Variants in CEP192 observed in about 807,000 individuals in gnomAD.
CEP192 encodes the protein centrosomal protein of 192 kDa.
Under a neutral mutation model 271.8 loss-of-function variants are expected in CEP192, and 151 were observed. That is an observed-to-expected ratio of 0.56 (90% CI 0.49 to 0.64). CEP192 has a LOEUF of 0.64. CEP192 is among the 30% of genes least tolerant of loss of function. The pLI is 0.00. For missense variants in CEP192, 2,910 were observed against 3,020.5 expected, an observed-to-expected ratio of 0.96 and a Z score of 0.86; for synonymous variants, 995 against 1,076.5, an observed-to-expected ratio of 0.92 and a Z score of 1.48.
chr18:13,119,478 C>G (rs1391041626), intron 44 of CEP192, among the ~76,000 whole-genome samples: 1 of 152,176 alleles, frequency 6.6e-6, no homozygotes, highest in Non-Finnish European at 1.5e-5. Context: ...TGTGGTGGCT[C>G]ACACCTGTAA....
chr18:13,122,647 C>T (rs896561593), intron 44 of CEP192, among the ~76,000 whole-genome samples: 1 of 152,166 alleles, frequency 6.6e-6, no homozygotes, highest in African/African-American at 2.4e-5. Context: ...TTCCACTAAG[C>T]CCTTTCCATG....
At chr18:13,038,036 G>A (rs1326387916) in intron 12 of CEP192, among the ~76,000 whole-genome samples, 2 of 151,858 alleles carry the variant, frequency 1.3e-5, no homozygotes, top group East Asian at 3.9e-4. Flanking sequence ...ATGGGGTCTC[G>A]CCATGTTGCT....
chr18:13,068,050 T>C, intron 22 of CEP192, 44 bp from the exon 23 acceptor site: 1 of 1,609,686 alleles, frequency 6.2e-7, no homozygotes, highest in Non-Finnish European at 8.5e-7. Flanking sequence ...AACTTAGCAT[T>C]ACACTGTTGG....
chr18:13,027,535 T>A (rs1282171514), intron 9 of CEP192, among the ~76,000 whole-genome samples: 1 of 152,172 alleles, frequency 6.6e-6, no homozygotes, highest in African/African-American at 2.4e-5. Context: ...CCCTGGTATG[T>A]TAGGATGCTC....
chr18:13,103,093 AT>A (rs776191156), intron 38 of CEP192, among the ~76,000 whole-genome samples: 4 of 152,182 alleles, frequency 2.6e-5, no homozygotes, highest in Admixed American at 6.5e-5. Context: ...GAGGCCACAC[AT>A]GCGCATGTCT....
chr18:13,006,889 C>T (rs1204622635), intron 3 of CEP192, among the ~76,000 whole-genome samples: 1 of 152,082 alleles, frequency 6.6e-6, no homozygotes, highest in Non-Finnish European at 1.5e-5. Context: ...GCAGGCAAGC[C>T]CTTCCCTCCC....
At chr18:13,074,958 T>G (rs960615798) in intron 30 of CEP192, among the ~76,000 whole-genome samples, 2 of 152,190 alleles carry the variant, frequency 1.3e-5, no homozygotes, top group Admixed American at 1.3e-4. Flanking sequence ...AGGACTGCAA[T>G]AAAAATGTAT....
chr18:13,109,718 G>A (rs1217790903), intron 40 of CEP192, among the ~76,000 whole-genome samples: 4 of 151,920 alleles, frequency 2.6e-5, no homozygotes, highest in Non-Finnish European at 5.9e-5. Context: ...GCAAAACATA[G>A]TAAAATTAAA....
At chr18:13,034,589 C>T (rs575932486) in intron 11 of CEP192, among the ~76,000 whole-genome samples, 1 of 151,868 alleles carries the variant, frequency 6.6e-6, no homozygotes, top group Non-Finnish European at 1.5e-5. Flanking sequence ...GGGTGGATCA[C>T]CAGGTCAGGA....
intron 40 of CEP192, among the ~76,000 whole-genome samples, chr18:13,105,318 T>C (rs1316347366): frequency 6.6e-6 from 1 of 152,212 alleles, no homozygotes; most frequent in Non-Finnish European, 1.5e-5. Flanking sequence ...TGCCAGTGCT[T>C]ACAGTCATAC....
At chr18:13,075,691 T>C (rs779579261) in intron 30 of CEP192, among the ~76,000 whole-genome samples, 38 of 152,328 alleles carry the variant, frequency 2.5e-4, no homozygotes, top group East Asian at 5.8e-4. Flanking sequence ...GTTACTGTTA[T>C]AGCAACACAA....
Position 13,092,428 on chromosome 18 carries a change from T to C in CEP192, c.6155T>C (p.Met2052Thr), listed in dbSNP as rs765181613. The change falls in exon 34 of 45, where the codon ATG (methionine) becomes ACG (threonine). Residue 2052 changes from methionine to threonine, a missense_variant. Physicochemically the swap from Met to Thr is moderately conservative, Grantham distance 81. Transcript: ENST00000506447. Reference protein sequence around the residue: ...PNDVQLFYGSMCKIILSVIGE... With the variant: ...PNDVQLFYGSTCKIILSVIGE... ...GATGTTCAGCTCTTTTATGGAAGCA[T>C]GTGTAAAATTATACTTTCAGTAATT... is the stretch of plus-strand genomic sequence containing the variant. The C allele has an allele frequency of 7.5e-6, 12 of 1,603,136 alleles. No homozygotes were observed. The highest frequency in any genetic ancestry group is 4.0e-5 in the African/African-American group (3 of 74,678).
At chr18:13,040,773 G>C in intron 13 of CEP192, 57 bp from the exon 14 acceptor site, 2 of 1,409,462 alleles carry the variant, frequency 1.4e-6, no homozygotes, top group Non-Finnish European at 1.9e-6. Context: ...AAACAGTCTA[G>C]AATTTCTCAA....
chr18:13,095,516 T>C lies in CEP192; in HGVS notation c.6268T>C (p.Ser2090Pro). Residue 2090 changes from serine to proline, a missense_variant, in exon 35 of 45, where the codon TCT (serine) becomes CCT (proline). Coordinates refer to ENST00000506447, the MANE Select transcript of CEP192 (RefSeq NM_032142.4). The stretch of plus-strand genomic sequence containing the variant: ...ATAATTTTTTAGCGACTTGGGAGCT[T>C]CTGGGAAACATGGTGGCAACGTCTC... ...SLESTSDLGASGKHGGNVSLD... is the reference protein window; with the variant it reads ...SLESTSDLGAPGKHGGNVSLD... 1 of 1,609,134 alleles carries C rather than the reference T, an allele frequency of 6.2e-7. No homozygotes were observed. Among genetic ancestry groups the C allele is most frequent in the African/African-American group, 1.3e-5 (1 of 74,692 alleles).
At position 13,056,680 on chromosome 18, in the gene CEP192, G is replaced by C. The variant is rs1320342723; in HGVS notation, c.4090G>C (p.Gly1364Arg). ...TNCGIEPWDS[G>R]VTSGLGSVRV... is the part of the protein sequence containing the mutation. ...CTGTGGAATTGAACCATGGGATTCA[G>C]GAGTGACATCAGGATTGGGTAAGAT... The change falls in exon 19 of 45, where the codon GGA becomes CGA. Residue 1364 changes from glycine (G) to arginine (R), a missense_variant. Coordinates refer to ENST00000506447, the MANE Select transcript of CEP192 (RefSeq NM_032142.4). 1 of 1,604,936 alleles carries C rather than the reference G, an allele frequency of 6.2e-7. No homozygotes were observed. The highest frequency in any genetic ancestry group is 1.1e-5 in the South Asian group (1 of 89,426).
At position 13,056,512 on chromosome 18, in the gene CEP192, G is replaced by T. The variant is rs2144147403; in HGVS notation, c.3922G>T (p.Val1308Leu). ...TGCAGGAGAGCCTGTGCAGAACTCTGTGGCTGTGGGAATTTGTCTAGGATC... is the reference window on the plus strand; with the variant it reads ...TGCAGGAGAGCCTGTGCAGAACTCTTTGGCTGTGGGAATTTGTCTAGGATC... ...AVAGEPVQNS[V>L]AVGICLGSNI... is the part of the protein sequence containing the mutation. Residue 1308 changes from valine to leucine, a missense_variant, in exon 19 of 45, where the codon GTG becomes TTG. Val to Leu is a conservative substitution (Grantham distance 32, BLOSUM62 1). Transcript: ENST00000506447. The T allele has an allele frequency of 1.2e-6, 2 of 1,614,240 alleles. No homozygotes were observed. The highest frequency in any genetic ancestry group is 2.7e-5 in the African/African-American group (2 of 75,076).
intron 33 of CEP192, 142 bp from the exon 34 acceptor site, chr18:13,092,235 G>T: frequency 1.9e-6 from 1 of 538,748 alleles, no homozygotes. Flanking sequence ...TTTGTGCCAG[G>T]TGGTATACTG....
chr18:13,096,463 G>C (rs1376328826), intron 36 of CEP192, among the ~76,000 whole-genome samples, 156 bp downstream of exon 36: 7 of 152,226 alleles, frequency 4.6e-5, no homozygotes, highest in Admixed American at 4.6e-4. Flanking sequence ...GGTCAGCTGT[G>C]AGTTCAAGTG....
At chr18:13,064,471 G>A (rs1234334651) in intron 21 of CEP192, among the ~76,000 whole-genome samples, 1 of 152,032 alleles carries the variant, frequency 6.6e-6, no homozygotes, top group Non-Finnish European at 1.5e-5. Flanking sequence ...AATTAGCCAG[G>A]CGTGGTGGCG....
Sources: gnomAD v4.1 joint callset for allele counts (sites outside exome capture counted in the v4.1 genomes callset) on GRCh38, gnomAD v4.1.1 for gene constraint, MANE v1.5 for transcripts, NCBI Gene and HGNC (gene_info 2026-07-23, HGNC 2026-07-21) for gene names.